Variants in XKR7 observed in about 807,000 individuals in gnomAD.
XKR7 encodes XK-related protein 7.
A neutral mutation model predicts 42.2 loss-of-function variants in XKR7; 11 were observed. That is an observed-to-expected ratio of 0.26 (90% CI 0.16 to 0.43). The LOEUF is 0.43. Ranked by LOEUF, XKR7 falls within the 20% of genes least tolerant of loss-of-function variation. XKR7 has a pLI of 1.00. For missense variants in XKR7, 710 were observed against 802.2 expected (o/e 0.89, Z 1.39); for synonymous variants, 346 against 366.4 (o/e 0.94, Z 0.64).
chr20:31,982,519 CAA>C (rs558720693), intron 1 of XKR7, among the ~76,000 whole-genome samples: 18 of 63,076 alleles, frequency 2.9e-4, no homozygotes, highest in Admixed American at 7.4e-4. Context: ...GACTCTGTCT[CAA>C]AAAAAAAAAA....
rs2064600666 is a variant in XKR7, at chr20:31,997,457, G to A, written c.1740G>A (p.Ter580=). ...TGCTGGAGTATGAGACCACAGTGTAGGCTACAGTGTCCCAGCACAAAAGGG... is the reference window on the plus strand; with the variant it reads ...TGCTGGAGTATGAGACCACAGTGTAAGCTACAGTGTCCCAGCACAAAAGGG... The part of the protein sequence containing the change: ...QELLEYETTV[*] The change falls in exon 3 of 3, where the codon TAG becomes TAA. Residue 580 remains the stop codon, a stop_retained_variant. Coordinates refer to ENST00000562532, the MANE Select transcript of XKR7 (RefSeq NM_001011718.2). 1 of 1,588,934 alleles carries A rather than the reference G, an allele frequency of 6.3e-7. No individual in the cohort carries two copies. The highest frequency in any genetic ancestry group is 8.5e-7 in the Non-Finnish European group (1 of 1,173,722).
intron 1 of XKR7, among the ~76,000 whole-genome samples, chr20:31,988,628 C>T (rs2064553938): frequency 6.6e-6 from 1 of 152,118 alleles, no homozygotes; most frequent in Non-Finnish European, 1.5e-5. Flanking sequence ...CCTCTGTTTC[C>T]TCATCTATGA....
chr20:31,975,714 C>T (rs879517556), intron 1 of XKR7, among the ~76,000 whole-genome samples: 6 of 30,458 alleles, frequency 2.0e-4, no homozygotes, highest in East Asian at 6.3e-4. Flanking sequence ...TCTCTTGGGG[C>T]GGGAGGGGTG....
chr20:31,968,657 C>T lies in XKR7; in HGVS notation c.482C>T (p.Pro161Leu). 6.3e-7 allele frequency: 1 copy of T among 1,575,582 alleles called. No individual in the cohort carries two copies. Among genetic ancestry groups the T allele is most frequent in the Non-Finnish European group, 8.6e-7 (1 of 1,168,162 alleles). ...KEGSPEPGPQ[P>L]APSSASAYRR... Reference sequence around the variant, plus strand: ...GGCAGCCCCGAGCCGGGTCCCCAGCCTGCGCCCTCCTCGGCCAGCGCCTAC... The same window carrying T: ...GGCAGCCCCGAGCCGGGTCCCCAGCTTGCGCCCTCCTCGGCCAGCGCCTAC... Residue 161 changes from proline to leucine, a missense_variant, in exon 1 of 3, where the codon CCT (proline) becomes CTT (leucine). By Grantham distance (98) the Pro-to-Leu change is moderately conservative. Around this residue, in one of 2 missense-constraint regions of XKR7, gnomAD observed 708 missense variants for 786.2 expected, o/e 0.90. Coordinates refer to ENST00000562532, the MANE Select transcript of XKR7 (RefSeq NM_001011718.2). The surrounding 1 kb of genome is among the most constrained non-coding windows in gnomAD (Gnocchi z 4.5).
intron 1 of XKR7, among the ~76,000 whole-genome samples, chr20:31,972,943 AGCAC>A (rs763537865): frequency 9.9e-5 from 15 of 152,220 alleles, no homozygotes; most frequent in Non-Finnish European, 1.9e-4. Context: ...GAGGGTTGAG[AGCAC>A]GGACTCTAGA....
At chr20:31,971,194 G>A (rs1317466700) in intron 1 of XKR7, among the ~76,000 whole-genome samples, 1 of 151,994 alleles carries the variant, frequency 6.6e-6, no homozygotes. Context: ...CGGGAACAGT[G>A]TGTATTGTGG....
At chr20:31,982,661 T>A (rs1477577171) in intron 1 of XKR7, among the ~76,000 whole-genome samples, 1 of 152,094 alleles carries the variant, frequency 6.6e-6, no homozygotes, top group Non-Finnish European at 1.5e-5. Context: ...GAAGTACATA[T>A]AAAAGGTATT....
chr20:31,968,643 G>T lies in XKR7; in HGVS notation c.468G>T (p.Glu156Asp). 3 of 1,587,084 alleles carry T rather than the reference G, an allele frequency of 1.9e-6. No individual in the cohort carries two copies. Among genetic ancestry groups the T allele is most frequent in the Non-Finnish European group, 2.6e-6 (3 of 1,173,276 alleles). The stretch of plus-strand genomic sequence containing the variant: ...TCCGGACCAAAGAAGGCAGCCCCGA[G>T]CCGGGTCCCCAGCCTGCGCCCTCCT... ...GAFRTKEGSP[E>D]PGPQPAPSSA... Residue 156 changes from glutamate (E) to aspartate (D), a missense_variant, in exon 1 of 3, where the codon GAG becomes GAT. Transcript: ENST00000562532. The surrounding 1 kb of genome is among the most constrained non-coding windows in gnomAD (Gnocchi z 4.5).
Position 31,996,681 on chromosome 20 carries a change from A to T in XKR7, c.964A>T (p.Ser322Cys). ...ARGLAFALFA[S>C]VYKLYFGIFI... ...CGGCCTGGCCTTCGCGCTCTTCGCC[A>T]GCGTCTACAAGCTCTATTTTGGCAT... Residue 322 changes from serine (S) to cysteine (C), a missense_variant, in exon 3 of 3, where the codon AGC (serine) becomes TGC (cysteine). Around this residue, in one of 2 missense-constraint regions of XKR7, gnomAD observed 708 missense variants for 786.2 expected, o/e 0.90. Transcript: ENST00000562532. The T allele has an allele frequency of 6.2e-7, 1 of 1,606,712 alleles. No individual in the cohort carries two copies. Among genetic ancestry groups the T allele is most frequent in the Non-Finnish European group, 8.5e-7 (1 of 1,175,672 alleles).
Position 31,991,310 on chromosome 20 carries a change from G to A in XKR7, c.585-3758G>A, listed in dbSNP as rs1157053232. 3.3e-5 allele frequency among the ~76,000 whole-genome samples: 5 copies of A among 152,226 alleles called. No homozygotes were observed. The South Asian group carries it at 1.0e-3, about 32-fold the overall frequency. On this transcript the variant is annotated intron_variant, in intron 1 of 2. Coordinates refer to ENST00000562532, the MANE Select transcript of XKR7 (RefSeq NM_001011718.2). ...AGTCAAAGCCAGAGCCATGGGAAGG[G>A]GAAGGGAATGTGGCGGCAGTGGGGA...
intron 1 of XKR7, among the ~76,000 whole-genome samples, chr20:31,989,531 C>CCA (rs1446812586): frequency 9.3e-5 from 2 of 21,492 alleles, no homozygotes; most frequent in Non-Finnish European, 2.0e-4. Flanking sequence ...ATGCGGGCAG[C>CCA]CACACAGAAG....
chr20:31,990,985 C>G (rs2064568146), intron 1 of XKR7, among the ~76,000 whole-genome samples: 1 of 152,220 alleles, frequency 6.6e-6, no homozygotes, highest in African/African-American at 2.4e-5. Context: ...ATTCCTGGTA[C>G]TCAGAGCCCT....
chr20:31,991,828 T>A (rs972409202), intron 1 of XKR7, among the ~76,000 whole-genome samples: 1 of 152,178 alleles, frequency 6.6e-6, no homozygotes, highest in Non-Finnish European at 1.5e-5. Context: ...GCTTTAAAAC[T>A]GAGATCAGGC....
chr20:31,981,774 G>A (rs146572893), intron 1 of XKR7, among the ~76,000 whole-genome samples: 31 of 152,316 alleles, frequency 2.0e-4, no homozygotes, highest in Middle Eastern at 6.8e-3. Context: ...ACTTCGTGTC[G>A]TGCTTTCTTC....
rs1368332651 is a variant in XKR7 at position 31,979,995 on chromosome 20, G to T, written c.584+11236G>T. The stretch of plus-strand genomic sequence containing the variant: ...TAGTCCCCAAATGCTTTGCTGAAGA[G>T]GGGCTGCCCATTCCTCTGCTGTGCA... On this transcript the variant is annotated intron_variant, in intron 1 of 2. Transcript: ENST00000562532. Among the ~76,000 whole-genome samples the T allele has an allele frequency of 2.0e-5, 3 of 152,236 alleles. No individual in the cohort carries two copies. In the East Asian group the frequency reaches 5.8e-4, roughly 29 times the overall value.
At position 31,968,919 on chromosome 20, in the gene XKR7, T is replaced by A. The variant is rs1224849082; in HGVS notation, c.584+160T>A. 6.6e-6 allele frequency among the ~76,000 whole-genome samples: 1 copy of A among 151,934 alleles called. No homozygotes were observed. The highest frequency in any genetic ancestry group is 2.4e-5 in the African/African-American group (1 of 41,322). Reference sequence around the variant, plus strand: ...AGCTCTAATTTCTTCTCAGTCGGCTTCTCCCTGACCTCTGCCCCCAAGCCC... The same window carrying A: ...AGCTCTAATTTCTTCTCAGTCGGCTACTCCCTGACCTCTGCCCCCAAGCCC... On this transcript the variant is annotated intron_variant, in intron 1 of 2. Transcript: ENST00000562532. The surrounding 1 kb of genome is among the most constrained non-coding windows in gnomAD (Gnocchi z 4.5).
intron 1 of XKR7, among the ~76,000 whole-genome samples, chr20:31,973,615 C>G (rs548750765): frequency 1.3e-5 from 2 of 151,798 alleles, no homozygotes; most frequent in East Asian, 1.9e-4. Context: ...AAGGGCTGCA[C>G]GAGGTGAGGA....
chr20:31,970,960 TCA>T (rs1042214942), intron 1 of XKR7: 3 of 152,198 alleles, frequency 2.0e-5, no homozygotes, highest in African/African-American at 7.2e-5. Flanking sequence ...TTGTCCAAGG[TCA>T]CACAGCTAGG....
In XKR7 at chr20:31,968,908, C is replaced by T; in HGVS notation, c.584+149C>T. 1 of 1,314,306 alleles carries T rather than the reference C, an allele frequency of 7.6e-7. No individual in the cohort carries two copies. The highest frequency in any genetic ancestry group is 1.6e-5 in the South Asian group (1 of 62,084). 81.4% of individuals were successfully genotyped at this position (1,314,306 alleles called of 1,614,324 possible). The stretch of plus-strand genomic sequence containing the variant: ...CACCCCATTGCAGCTCTAATTTCTT[C>T]TCAGTCGGCTTCTCCCTGACCTCTG... On this transcript the variant is annotated intron_variant, in intron 1 of 2. Transcript: ENST00000562532. This position sits in a 1 kb window ranked among gnomAD's most constrained non-coding sequence, Gnocchi z 4.5.
Sources: gnomAD v4.1 joint callset for allele counts (sites outside exome capture counted in the v4.1 genomes callset) on GRCh38, gnomAD v4.1.1 for gene constraint, gnomAD v4.1.1 regional missense constraint, Gnocchi (gnomAD v3.1) non-coding constraint, MANE v1.5 for transcripts, NCBI Gene and HGNC (gene_info 2026-07-23, HGNC 2026-07-21) for gene names.